MARF1: variants seen among roughly 807,000 people sequenced by gnomAD.
The protein encoded by MARF1 is meiosis regulator and mRNA stability factor 1.
MARF1 carries 24 observed loss-of-function variants against 168.2 expected under a neutral mutation model. The observed-to-expected ratio is 0.14, with a 90% CI of 0.10 to 0.20. MARF1 has a LOEUF of 0.20. Ranked by LOEUF, MARF1 falls within the 10% of genes least tolerant of loss-of-function variation. The probability of loss-of-function intolerance (pLI) is 1.00; values close to 1 mark genes in which losing one functional copy is unlikely to be tolerated. For synonymous variants in MARF1, 868 were observed against 822.4 expected, an observed-to-expected ratio of 1.06 and a Z score of -0.95; for missense variants, 1,744 against 2,143.6, an observed-to-expected ratio of 0.81 and a Z score of 3.68.
At chr16:15,611,197 G>A (rs979556313) in intron 18 of MARF1, 89 bp from the exon 19 acceptor site, 64 of 1,304,174 alleles carry the variant, frequency 4.9e-5, no homozygotes, top group Non-Finnish European at 6.0e-5. Context: ...TGGGGCTCAC[G>A]CCTGTAATCC....
chr16:15,635,088 T>G (rs1265040678), intron 3 of MARF1, 157 bp from the exon 4 acceptor site: 1 of 594,668 alleles, frequency 1.7e-6, no homozygotes, highest in Non-Finnish European at 2.9e-6. Flanking sequence ...CCAAGAACCA[T>G]TAGCTATCAG....
chr16:15,602,598 CAAA>C (rs1034365816), intron 22 of MARF1: 21 of 166,022 alleles, frequency 1.3e-4, no homozygotes, highest in African/African-American at 1.1e-3. Context: ...ACAAAAAAGA[CAAA>C]GAAGAAGAAA....
Position 15,641,209 on chromosome 16 carries a change from A to G in MARF1, c.-59+1809T>C, listed in dbSNP as rs2035928164. ...ATTAGATAAATGAACCCCACTGTCT[A>G]TTTTCACCACTGTATCTCTTGTGCC... is the stretch of plus-strand genomic sequence containing the variant. On this transcript the variant is annotated intron_variant, in intron 1 of 26. Coordinates refer to ENST00000396368, the MANE Select transcript of MARF1 (RefSeq NM_014647.4). 2.0e-5 allele frequency among the ~76,000 whole-genome samples: 3 copies of G among 152,126 alleles called. No homozygotes were observed. In the South Asian group the frequency reaches 6.2e-4, roughly 31 times the overall value.
In MARF1 at chr16:15,625,743, C is replaced by T. The variant is rs372376810; in HGVS notation, c.1582G>A (p.Val528Ile). ...GACAGGCGTCTGAGCCTGTTGCTGACGCTCTTGCCATCCTTATTTGCTGGT... is the reference window on the plus strand; with the variant it reads ...GACAGGCGTCTGAGCCTGTTGCTGATGCTCTTGCCATCCTTATTTGCTGGT... Reference protein sequence around the residue: ...NLPANKDGKSVSNRLRRLSDN... With the variant: ...NLPANKDGKSISNRLRRLSDN... Residue 528 changes from valine to isoleucine, a missense_variant, in exon 8 of 27, where the codon GTC becomes ATC. Coordinates refer to ENST00000396368, the MANE Select transcript of MARF1 (RefSeq NM_014647.4). 2.0e-5 allele frequency: 33 copies of T among 1,613,922 alleles called. No individual in the cohort carries two copies. The highest frequency in any genetic ancestry group is 6.7e-5 in the African/African-American group (5 of 74,932).
At chr16:15,631,827 A>C (rs1168350887) in intron 5 of MARF1, among the ~76,000 whole-genome samples, 2 of 151,970 alleles carry the variant, frequency 1.3e-5, no homozygotes, top group Non-Finnish European at 2.9e-5. Flanking sequence ...ACTCCCACTT[A>C]TAAGGCAAGA....
chr16:15,599,059 C>A (rs1308625664), intron 25 of MARF1, 35 bp from the exon 26 acceptor site: 2 of 1,598,538 alleles, frequency 1.3e-6, no homozygotes, highest in East Asian at 2.2e-5. Flanking sequence ...CACCACAGGA[C>A]CTCCACGCCC....
chr16:15,637,869 A>G (rs1272628797), intron 2 of MARF1, among the ~76,000 whole-genome samples: 1 of 152,230 alleles, frequency 6.6e-6, no homozygotes, highest in Non-Finnish European at 1.5e-5. Context: ...CTGGTTTTTA[A>G]AAAGTTATTA....
Position 15,624,818 on chromosome 16 carries a change from C to A in MARF1, c.2221G>T (p.Ala741Ser), listed in dbSNP as rs1302399453. The A allele has an allele frequency of 3.1e-6, 5 of 1,614,086 alleles. No individual in the cohort carries two copies. The Admixed American group carries it at 5.0e-5, about 16-fold the overall frequency. The change falls in exon 10 of 27, where the codon GCA becomes TCA. Residue 741 changes from alanine to serine, a missense_variant. By Grantham distance (99) the Ala-to-Ser change is moderately conservative. Around this residue, in one of 7 missense-constraint regions of MARF1, gnomAD observed 270 missense variants for 260.6 expected, o/e 1.04. Transcript: ENST00000396368. ...SYPSAFSKLV[A>S]SRQVSPLLAS... ...AGCAGAGGACTGACTTGCCTGGATG[C>A]AACTAACTTGCTAAAAGCAGACGGG...
rs2031558854 is a variant in MARF1 at position 15,595,170 on chromosome 16, G to GT, written c.*1522dup. On this transcript the variant is annotated 3_prime_UTR_variant, in exon 27 of 27. Coordinates refer to ENST00000396368, the MANE Select transcript of MARF1 (RefSeq NM_014647.4). ...CGGAGAGTGCCATAATACTTACAGG[G>GT]TTTTTTCCATGGTGTTCTGTCTTGA... 1 of 152,596 alleles carries GT rather than the reference G, an allele frequency of 6.6e-6. No homozygotes were observed. Among genetic ancestry groups the GT allele is most frequent in the Non-Finnish European group, 1.5e-5 (1 of 68,038 alleles). The allele number at this position is 152,596 out of a possible 1,614,324, so 9.5% of individuals were successfully genotyped here. A position where few individuals can be genotyped will look rare whatever the true frequency, so the allele number is the denominator to read the frequency against.
chr16:15,619,679 C>T (rs1198685121), intron 13 of MARF1, among the ~76,000 whole-genome samples: 4 of 152,216 alleles, frequency 2.6e-5, no homozygotes, highest in Non-Finnish European at 4.4e-5. Flanking sequence ...TCCCGCTAGA[C>T]ATAAGCTCCT....
intron 23 of MARF1, chr16:15,601,758 A>G: frequency 1.7e-6 from 1 of 589,120 alleles, no homozygotes; most frequent in Non-Finnish European, 3.0e-6. Flanking sequence ...ACCTTTCTAG[A>G]GTTACAGCCT....
chr16:15,600,474 G>A lies in MARF1; in HGVS notation c.4767C>T (p.Pro1589=), dbSNP rs746252691. 3.7e-6 allele frequency: 6 copies of A among 1,613,940 alleles called. No homozygotes were observed. Among genetic ancestry groups the A allele is most frequent in the Middle Eastern group, 1.6e-4 (1 of 6,084 alleles). ...PSEGERILEV[P]ESHTASELKL... ...TGAGTTCCGAGGCTGTGTGCGATTC[G>A]GGCACCTCCAGGATGCGCTCGCCCT... The change falls in exon 25 of 27, where the codon CCC becomes CCT. Residue 1589 remains proline, a synonymous_variant. Coordinates refer to ENST00000396368, the MANE Select transcript of MARF1 (RefSeq NM_014647.4).
intron 17 of MARF1, among the ~76,000 whole-genome samples, chr16:15,612,133 T>C (rs2033620177): frequency 6.6e-6 from 1 of 152,190 alleles, no homozygotes; most frequent in South Asian, 2.1e-4. Context: ...AAAGTCTTCA[T>C]AGGATCCAGT....
intron 22 of MARF1, chr16:15,602,489 G>A (rs903165705): frequency 1.8e-5 from 10 of 554,970 alleles, no homozygotes; most frequent in East Asian, 7.0e-5. Flanking sequence ...ACAAGAAGAC[G>A]AAGACAAGAC....
chr16:15,598,642 G>C lies in MARF1; in HGVS notation c.4984+212C>G, dbSNP rs567907304. On this transcript the variant is annotated intron_variant, in intron 26 of 26. Transcript: ENST00000396368. ...ACCAGCCCTCCAGAGCTGCCAAATC[G>C]CCCTTGCCTGATGCTCGCCAGGCAA... Among the ~76,000 whole-genome samples, 4 of 150,464 alleles carry C rather than the reference G, an allele frequency of 2.7e-5. No homozygotes were observed. In the East Asian group the frequency reaches 8.0e-4, roughly 30 times the overall value.
Position 15,639,085 on chromosome 16 carries a change from G to A in MARF1, c.144+5C>T. ...TGCTACATCCTTAGTCTTGCATATA[G>A]TTACCGTTTGGGGACTATGTGGCAG... is the stretch of plus-strand genomic sequence containing the variant. On this transcript the variant is annotated splice_donor_5th_base_variant and intron_variant, in intron 2 of 26. Coordinates refer to ENST00000396368, the MANE Select transcript of MARF1 (RefSeq NM_014647.4). The A allele has an allele frequency of 6.2e-7, 1 of 1,612,986 alleles. No homozygotes were observed. Among genetic ancestry groups the A allele is most frequent in the Non-Finnish European group, 8.5e-7 (1 of 1,179,526 alleles).
chr16:15,596,549 A>G lies in MARF1; in HGVS notation c.*144T>C. 2.7e-6 allele frequency: 2 copies of G among 730,104 alleles called. No homozygotes were observed. Among genetic ancestry groups the G allele is most frequent in the Admixed American group, 6.1e-5 (2 of 32,604 alleles). 45.2% of individuals were successfully genotyped at this position (730,104 alleles called of 1,614,324 possible). A position where few individuals can be genotyped will look rare whatever the true frequency, so the allele number is the denominator to read the frequency against. On this transcript the variant is annotated 3_prime_UTR_variant, in exon 27 of 27. Coordinates refer to ENST00000396368, the MANE Select transcript of MARF1 (RefSeq NM_014647.4). ...TCAAAGCTGTGTTCAATGGAAAAGA[A>G]AAACATGATAGAACACAGGTAAGAT...
Position 15,611,498 on chromosome 16 carries a change from C to A in MARF1, c.3617+94G>T. On this transcript the variant is annotated intron_variant, in intron 18 of 26. Transcript: ENST00000396368. ...CTACTACAAGTTTTCCAAAAGAATG[C>A]TTAATAGAAATACTAGATAACTATT... 7.6e-6 allele frequency: 8 copies of A among 1,048,970 alleles called. No individual in the cohort carries two copies. In the East Asian group the frequency reaches 8.3e-5, roughly 11 times the overall value. 65.0% of individuals were successfully genotyped at this position (1,048,970 alleles called of 1,614,324 possible).
chr16:15,635,012 T>C lies in MARF1; in HGVS notation c.832-81A>G, dbSNP rs1444787413. 3 of 1,244,250 alleles carry C rather than the reference T, an allele frequency of 2.4e-6. No homozygotes were observed. In the African/African-American group the frequency reaches 4.5e-5, roughly 19 times the overall value. 77.1% of individuals were successfully genotyped at this position (1,244,250 alleles called of 1,614,324 possible). A position where few individuals can be genotyped will look rare whatever the true frequency, so the allele number is the denominator to read the frequency against. ...TGGAGTTATATACAACAACTGAAAATACACTCTAAGTGTTTTACCTTTCCA... is the reference window on the plus strand; with the variant it reads ...TGGAGTTATATACAACAACTGAAAACACACTCTAAGTGTTTTACCTTTCCA... On this transcript the variant is annotated intron_variant, in intron 3 of 26. Transcript: ENST00000396368.
Sources: gnomAD v4.1 joint callset for allele counts (sites outside exome capture counted in the v4.1 genomes callset) on GRCh38, gnomAD v4.1.1 for gene constraint, gnomAD v4.1.1 regional missense constraint, MANE v1.5 for transcripts, NCBI Gene and HGNC (gene_info 2026-07-23, HGNC 2026-07-21) for gene names.